Variants in RTN4 observed in about 807,000 individuals in gnomAD.
RTN4 encodes the protein reticulon-4.
In RTN4, 32 loss-of-function variants were observed where a neutral mutation model predicts 90.4. That is an observed-to-expected ratio of 0.35 (90% confidence interval 0.27 to 0.48). RTN4 has a LOEUF of 0.48. RTN4 is among the 20% of genes least tolerant of loss of function. RTN4 has a pLI of 0.99. For synonymous variants in RTN4, 629 were observed against 552.5 expected (o/e 1.14, Z -1.94); for missense variants, 1,706 against 1,430.2 (o/e 1.19, Z -3.11).
intron 2 of RTN4, among the ~76,000 whole-genome samples, chr2:55,071,521 T>G (rs1193405286): frequency 8.2e-6 from 1 of 121,338 alleles, no homozygotes; most frequent in Non-Finnish European, 1.6e-5. Flanking sequence ...GTTGCTGGTA[T>G]AGGAGAGGCA....
chr2:54,976,569 A>G (rs1677650490), intron 5 of RTN4, among the ~76,000 whole-genome samples: 1 of 152,206 alleles, frequency 6.6e-6, no homozygotes. Flanking sequence ...GTGTGCTATC[A>G]TATAATTTTT....
intron 5 of RTN4, among the ~76,000 whole-genome samples, chr2:54,981,393 C>T (rs1678115252): frequency 6.6e-6 from 1 of 151,630 alleles, no homozygotes; most frequent in African/African-American, 2.4e-5. Context: ...ATATCCTTGG[C>T]ATGTGTGATA....
At chr2:55,058,344 T>C (rs1043278641) in intron 2 of RTN4, among the ~76,000 whole-genome samples, 17 of 152,166 alleles carry the variant, frequency 1.1e-4, no homozygotes, top group African/African-American at 3.9e-4. Context: ...AGATATGATG[T>C]AGGAGGGAAT....
chr2:55,020,470 C>A (rs919300071), intron 3 of RTN4, among the ~76,000 whole-genome samples: 3 of 145,266 alleles, frequency 2.1e-5, no homozygotes, highest in African/African-American at 7.3e-5. Context: ...CAAGAACATT[C>A]ATTGATACTA....
the RTN4 span, among the ~76,000 whole-genome samples, chr2:55,125,563 C>T: frequency 2.0e-4 from 31 of 152,204 alleles, no homozygotes; most frequent in African/African-American, 7.0e-4. Context: ...GTTATGAGTT[C>T]GAGACCAGCC....
At chr2:55,067,505 C>T (rs1250922211) in intron 2 of RTN4, among the ~76,000 whole-genome samples, 2 of 151,770 alleles carry the variant, frequency 1.3e-5, no homozygotes, top group Non-Finnish European at 2.9e-5. Flanking sequence ...CTCCACCTCC[C>T]GGGTTCAAGT....
intron 3 of RTN4, chr2:55,014,387 C>T (rs1395257913): frequency 6.6e-6 from 1 of 152,150 alleles, no homozygotes; most frequent in African/African-American, 2.4e-5. Flanking sequence ...TATTCTTAAA[C>T]ACCCAAAGCA....
At chr2:55,062,519 G>C (rs1668319417) in intron 2 of RTN4, among the ~76,000 whole-genome samples, 1 of 152,204 alleles carries the variant, frequency 6.6e-6, no homozygotes, top group Non-Finnish European at 1.5e-5. Context: ...CGCATGCCCT[G>C]AGAGGGGGAC....
intron 1 of RTN4, among the ~76,000 whole-genome samples, chr2:55,032,999 C>T (rs975549924): frequency 2.0e-5 from 3 of 151,200 alleles, no homozygotes; most frequent in Non-Finnish European, 4.4e-5. Context: ...CTGCACTCCA[C>T]CCTGGACAAC....
intron 2 of RTN4, among the ~76,000 whole-genome samples, chr2:55,064,048 C>G (rs1439770463): frequency 6.6e-6 from 1 of 151,646 alleles, no homozygotes; most frequent in Non-Finnish European, 1.5e-5. Flanking sequence ...AAGTGAGACC[C>G]TCTCTCCTCA....
the RTN4 span, among the ~76,000 whole-genome samples, chr2:55,126,399 T>C: frequency 6.7e-6 from 1 of 150,316 alleles, no homozygotes. Flanking sequence ...AAGACATATA[T>C]GCAGCCAACA....
the RTN4 span, among the ~76,000 whole-genome samples, chr2:55,136,175 A>C: frequency 6.6e-6 from 1 of 152,268 alleles, no homozygotes; most frequent in African/African-American, 2.4e-5. Context: ...GAGTGGGCTC[A>C]AGCATGTACA....
At chr2:54,992,092 T>C (rs1257383556) in intron 3 of RTN4, among the ~76,000 whole-genome samples, 1 of 152,142 alleles carries the variant, frequency 6.6e-6, no homozygotes, top group African/African-American at 2.4e-5. Context: ...TCCAGCACTT[T>C]GGGAGGCCGA....
chr2:55,133,007 T>TTCAAGA, the RTN4 span, among the ~76,000 whole-genome samples: 3 of 150,626 alleles, frequency 2.0e-5, no homozygotes, highest in Non-Finnish European at 4.4e-5. Context: ...AAGCCAGGAG[T>TTCAAGA]TCAAGATCAT....
intron 1 of RTN4, among the ~76,000 whole-genome samples, chr2:55,048,810 A>G (rs111664348): frequency 5.3e-5 from 8 of 152,336 alleles, no homozygotes; most frequent in African/African-American, 1.7e-4. Context: ...CAATTAGCCA[A>G]TTCCTGGCAA....
At chr2:55,104,785 T>C (rs1279506132) in intron 1 of RTN4, among the ~76,000 whole-genome samples, 2 of 151,818 alleles carry the variant, frequency 1.3e-5, no homozygotes, top group African/African-American at 4.8e-5. Flanking sequence ...GTAGTATCTG[T>C]TTATTGTTTT....
intron 1 of RTN4, chr2:55,049,218 G>A (rs1426719235): frequency 3.1e-6 from 3 of 975,000 alleles, no homozygotes; most frequent in East Asian, 1.1e-4. Context: ...AAGCGCAAAG[G>A]GGCCACCCAC....
intron 2 of RTN4, among the ~76,000 whole-genome samples, chr2:55,075,347 A>G (rs975687338): frequency 6.6e-6 from 1 of 152,214 alleles, no homozygotes; most frequent in Non-Finnish European, 1.5e-5. Flanking sequence ...AAACAAAACA[A>G]AACAAAACCT....
At chr2:55,135,507 T>A in the RTN4 span, among the ~76,000 whole-genome samples, 3 of 152,154 alleles carry the variant, frequency 2.0e-5, no homozygotes, top group Admixed American at 6.5e-5. Flanking sequence ...ATGCCCAGCC[T>A]CAATTATACG....
Sources: gnomAD v4.1 joint callset for allele counts (sites outside exome capture counted in the v4.1 genomes callset) on GRCh38, gnomAD v4.1.1 for gene constraint, MANE v1.5 for transcripts, NCBI Gene and HGNC (gene_info 2026-07-23, HGNC 2026-07-21) for gene names.